The following AGL variants were observed in gnomAD, a reference collection of about 807,000 sequenced individuals.
The protein encoded by AGL is glycogen debranching enzyme.
A neutral mutation model predicts 199.3 loss-of-function variants in AGL; 128 were observed. The observed-to-expected ratio is 0.64, with a 90% CI of 0.56 to 0.74. The LOEUF (loss-of-function observed/expected upper bound fraction) is 0.74, where lower values mean the gene tolerates loss of function less well. AGL is among the 30% of genes least tolerant of loss of function. The pLI is 0.00. For synonymous variants in AGL, 584 were observed against 594.7 expected, an observed-to-expected ratio of 0.98 and a Z score of 0.26; for missense variants, 1,809 against 1,820.8, an observed-to-expected ratio of 0.99 and a Z score of 0.12.
In AGL at chr1:99,862,377, A is replaced by T; in HGVS notation, c.414A>T (p.Gly138=). Reference sequence around the variant, plus strand: ...AGACATTTTTAGCTAAGTGTTTGGGACCTTTTGATGAATGGGAAAGCAGAC... The same window carrying T: ...AGACATTTTTAGCTAAGTGTTTGGGTCCTTTTGATGAATGGGAAAGCAGAC... The part of the protein sequence containing the change: ...TLQTFLAKCL[G]PFDEWESRLR... Residue 138 remains glycine, a synonymous_variant, in exon 4 of 34, where the codon GGA becomes GGT. Transcript: ENST00000361915. 2.5e-6 allele frequency: 4 copies of T among 1,614,106 alleles called. No individual in the cohort carries two copies. Among genetic ancestry groups the T allele is most frequent in the Non-Finnish European group, 3.4e-6 (4 of 1,180,008 alleles).
At chr1:99,900,184 C>T (rs1653715358) in intron 25 of AGL, among the ~76,000 whole-genome samples, 1 of 152,158 alleles carries the variant, frequency 6.6e-6, no homozygotes, top group African/African-American at 2.4e-5. Context: ...CCCGCCTCGG[C>T]CTCCCAAAAT....
rs1651557365 is a variant in AGL at position 99,876,597 on chromosome 1, G to A, written c.1423G>A (p.Gly475Ser). 6 of 1,613,724 alleles carry A rather than the reference G, an allele frequency of 3.7e-6. No homozygotes were observed. The highest frequency in any genetic ancestry group is 4.5e-5 in the East Asian group (2 of 44,842). The change falls in exon 11 of 34, where the codon GGT becomes AGT. Residue 475 changes from glycine (G) to serine (S), a missense_variant and splice_region_variant. By Grantham distance (56) the Gly-to-Ser change is moderately conservative (BLOSUM62 0). Coordinates refer to ENST00000361915, the MANE Select transcript of AGL (RefSeq NM_000642.3). ...DDPLRNFAEPGSEVYLRRELI... is the reference protein window; with the variant it reads ...DDPLRNFAEPSSEVYLRRELI... The stretch of plus-strand genomic sequence containing the variant: ...TCCTCTTCGAAACTTTGCTGAACCG[G>A]GTATGTAATTTTTAACTTCTCTGTG...
chr1:99,885,133 TATTA>T (rs1384965929), intron 20 of AGL, among the ~76,000 whole-genome samples: 2 of 152,246 alleles, frequency 1.3e-5, no homozygotes, highest in African/African-American at 4.8e-5. Flanking sequence ...AATTGTTCCC[TATTA>T]TTTATGTCTT....
chr1:99,895,951 G>T (rs532971191), intron 24 of AGL, among the ~76,000 whole-genome samples: 22 of 152,304 alleles, frequency 1.4e-4, no homozygotes, highest in African/African-American at 5.3e-4. Context: ...ACTCCAGCCT[G>T]GACAACAGAG....
intron 20 of AGL, among the ~76,000 whole-genome samples, chr1:99,886,090 T>C (rs745365058): frequency 1.2e-4 from 19 of 152,180 alleles, no homozygotes; most frequent in Non-Finnish European, 4.4e-5. Flanking sequence ...CAATACTGAG[T>C]ATATATTATT....
rs1653910429 is a variant in AGL at position 99,902,373 on chromosome 1, T to C, written c.3589-310T>C. Among the ~76,000 whole-genome samples the C allele has an allele frequency of 2.0e-5, 3 of 152,200 alleles. No homozygotes were observed. In the South Asian group the frequency reaches 6.2e-4, roughly 31 times the overall value. On this transcript the variant is annotated intron_variant, in intron 26 of 33. Transcript: ENST00000361915. The stretch of plus-strand genomic sequence containing the variant: ...AAAATTCAGATGCTGGATAACAAGC[T>C]AGGTTCGTTTATTAGCTGAAGAGAT...
In AGL at chr1:99,896,376, A is replaced by C; in HGVS notation, c.3350A>C (p.Tyr1117Ser). ...GGTATACTGCTGATTACTGGACGCT[A>C]TGTAGAAGCCAGGTAGGAGAGCCTC... The part of the protein sequence containing the change: ...LRGILLITGR[Y>S]VEARNIILAF... Residue 1117 changes from tyrosine to serine, a missense_variant, in exon 25 of 34, where the codon TAT becomes TCT. Tyr to Ser is a moderately radical substitution (Grantham distance 144). Transcript: ENST00000361915. 1 of 1,613,160 alleles carries C rather than the reference A, an allele frequency of 6.2e-7. No individual in the cohort carries two copies. The highest frequency in any genetic ancestry group is 8.5e-7 in the Non-Finnish European group (1 of 1,179,162).
chr1:99,905,565 C>T (rs983468466), intron 27 of AGL, among the ~76,000 whole-genome samples: 8 of 152,070 alleles, frequency 5.3e-5, no homozygotes, highest in African/African-American at 1.9e-4. Context: ...ACGTATTTTG[C>T]ACATTGTCTC....
At chr1:99,888,166 C>T (rs1652598522) in intron 21 of AGL, 58 bp downstream of exon 21, 1 of 1,599,952 alleles carries the variant, frequency 6.3e-7, no homozygotes, top group African/African-American at 1.3e-5. Flanking sequence ...CATCTGGTGT[C>T]TTCTTTACAG....
intron 21 of AGL, among the ~76,000 whole-genome samples, chr1:99,890,589 T>C (rs1463670075): frequency 6.6e-6 from 1 of 151,812 alleles, no homozygotes; most frequent in East Asian, 1.9e-4. Flanking sequence ...ATCATTGAAA[T>C]AATAAAATCT....
rs11807956 is a variant in AGL, at chr1:99,902,713, G to A, written c.3619G>A (p.Ala1207Thr). ...GCCATTGTTTGAAGTCATACAGGAA[G>A]CAATGCAAAAACACATGCAGGGCAT... The part of the protein sequence containing the change: ...DQPLFEVIQE[A>T]MQKHMQGIQF... Residue 1207 changes from alanine (A) to threonine (T), a missense_variant, in exon 27 of 34, where the codon GCA (alanine) becomes ACA (threonine). Physicochemically the swap from Ala to Thr is moderately conservative, Grantham distance 58. Transcript: ENST00000361915. 2,529 of 1,613,444 alleles carry A rather than the reference G, an allele frequency of 1.6e-3. 43 individuals carry two copies. In the African/African-American group the frequency reaches 0.03, roughly 19 times the overall value.
In AGL at chr1:99,857,771, AGCCTTGGCTCG is replaced by A. The variant is rs1393911533; in HGVS notation, c.83-3729_83-3719del. Among the ~76,000 whole-genome samples, 5 of 20,028 alleles carry A rather than the reference AGCCTTGGCTCG, an allele frequency of 2.5e-4. No individual in the cohort carries two copies. The Admixed American group carries it at 3.4e-3, about 14-fold the overall frequency. The allele number at this position is 20,028 out of a possible 152,430, so 13.1% of individuals were successfully genotyped here. On this transcript the variant is annotated intron_variant, in intron 2 of 33. Transcript: ENST00000361915. ...AGCCGAGATGGCGGCAGTACAGTCCAGCCTTGGCTCGGCATCAGAGGGAGACCGTGGGGAGG... is the reference window on the plus strand; with the variant it reads ...AGCCGAGATGGCGGCAGTACAGTCCAGCATCAGAGGGAGACCGTGGGGAGG...
chr1:99,896,731 G>A (rs1332958918), intron 25 of AGL, among the ~76,000 whole-genome samples: 1 of 152,120 alleles, frequency 6.6e-6, no homozygotes, highest in African/African-American at 2.4e-5. Flanking sequence ...AAGTCTTGAT[G>A]TTTCCCTCTA....
intron 27 of AGL, among the ~76,000 whole-genome samples, chr1:99,907,375 T>C (rs1011796224): frequency 1.3e-5 from 2 of 152,226 alleles, no homozygotes; most frequent in East Asian, 3.8e-4. Context: ...TTGGGTTTTT[T>C]CCACCTTTTG....
At position 99,900,653 on chromosome 1, in the gene AGL, T is replaced by A; in HGVS notation, c.3380T>A (p.Phe1127Tyr). 6.2e-7 allele frequency: 1 copy of A among 1,613,970 alleles called. No homozygotes were observed. Residue 1127 changes from phenylalanine to tyrosine, a missense_variant, in exon 26 of 34, where the codon TTT (phenylalanine) becomes TAT (tyrosine). Physicochemically the swap from Phe to Tyr is conservative, Grantham distance 22. Coordinates refer to ENST00000361915, the MANE Select transcript of AGL (RefSeq NM_000642.3). Reference sequence around the variant, plus strand: ...TGTTTTAGGAATATTATTTTAGCATTTGCGGGTACCCTGAGGCATGGTCTC... The same window carrying A: ...TGTTTTAGGAATATTATTTTAGCATATGCGGGTACCCTGAGGCATGGTCTC... The part of the protein sequence containing the change: ...YVEARNIILA[F>Y]AGTLRHGLIP...
Position 99,891,665 on chromosome 1 carries a change from C to G in AGL, c.3009C>G (p.Ile1003Met), listed in dbSNP as rs1290078775. 6.2e-7 allele frequency: 1 copy of G among 1,613,424 alleles called. No homozygotes were observed. Among genetic ancestry groups the G allele is most frequent in the Non-Finnish European group, 8.5e-7 (1 of 1,179,606 alleles). The change falls in exon 23 of 34, where the codon ATC (isoleucine) becomes ATG (methionine). Residue 1003 changes from isoleucine to methionine, a missense_variant. Transcript: ENST00000361915. ...FYLKQIPRYL[I>M]PCYFDAILIG... ...TGAAGCAGATCCCACGTTACCTTAT[C>G]CCATGTTACTTTGATGCTATATTAA...
intron 5 of AGL, among the ~76,000 whole-genome samples, chr1:99,869,253 G>C (rs1174606183): frequency 6.6e-6 from 1 of 152,132 alleles, no homozygotes; most frequent in East Asian, 1.9e-4. Context: ...CTTAATGCAA[G>C]TTTTGAGAAT....
chr1:99,897,728 A>C (rs1157052249), intron 25 of AGL, among the ~76,000 whole-genome samples: 1 of 152,210 alleles, frequency 6.6e-6, no homozygotes, highest in African/African-American at 2.4e-5. Flanking sequence ...TTTACACCAG[A>C]CTGCCAGCTT....
At chr1:99,860,114 T>G (rs972296570) in intron 2 of AGL, among the ~76,000 whole-genome samples, 4 of 152,156 alleles carry the variant, frequency 2.6e-5, no homozygotes, top group Admixed American at 1.3e-4. Flanking sequence ...AAAAAGTACA[T>G]TTAGTTGCTT....
Sources: gnomAD v4.1 joint callset for allele counts (sites outside exome capture counted in the v4.1 genomes callset) on GRCh38, gnomAD v4.1.1 for gene constraint, MANE v1.5 for transcripts, NCBI Gene and HGNC (gene_info 2026-07-23, HGNC 2026-07-21) for gene names.